Variants in CACNA1C observed in about 807,000 individuals in gnomAD.
CACNA1C encodes calcium voltage-gated channel subunit alpha1 C, also known as voltage-dependent L-type calcium channel subunit alpha-1C.
Under a neutral mutation model 229.0 loss-of-function variants are expected in CACNA1C, and 30 were observed. The ratio of observed to expected loss-of-function variants is 0.13; its 90% CI spans 0.10 to 0.18. The LOEUF is 0.18. Ranked by LOEUF, CACNA1C falls within the 10% of genes least tolerant of loss-of-function variation. CACNA1C has a pLI of 1.00. For synonymous variants in CACNA1C, 1,114 were observed against 1,132.5 expected, an observed-to-expected ratio of 0.98 and a Z score of 0.33; for missense variants, 1,658 against 2,845.0, an observed-to-expected ratio of 0.58 and a Z score of 9.49.
intron 1 of CACNA1C, among the ~76,000 whole-genome samples, chr12:2,100,934 C>A (rs1412434349): frequency 2.1e-5 from 3 of 141,950 alleles, no homozygotes; most frequent in African/African-American, 5.4e-5. Context: ...CTGGGGGAGT[C>A]GTGGCTGCAG....
chr12:2,022,637 G>T (rs986821982), intron 1 of CACNA1C, among the ~76,000 whole-genome samples: 8 of 151,302 alleles, frequency 5.3e-5, no homozygotes, highest in Non-Finnish European at 1.0e-4. Context: ...AGAGAAGGGG[G>T]TCTCTCTATG....
intron 3 of CACNA1C, among the ~76,000 whole-genome samples, chr12:2,172,655 C>T (rs1016127664): frequency 2.0e-5 from 3 of 152,178 alleles, no homozygotes; most frequent in Non-Finnish European, 4.4e-5. Context: ...TTATCTCTGA[C>T]TTCATAAAGA....
intron 3 of CACNA1C, among the ~76,000 whole-genome samples, chr12:2,417,265 C>G (rs199525428): frequency 5.3e-5 from 8 of 152,184 alleles, no homozygotes; most frequent in African/African-American, 9.7e-5. Flanking sequence ...GGCTCCCGCC[C>G]GGTGATGTCC....
At chr12:2,458,080 G>T (rs1251109610) in intron 5 of CACNA1C, among the ~76,000 whole-genome samples, 1 of 152,196 alleles carries the variant, frequency 6.6e-6, no homozygotes, top group African/African-American at 2.4e-5. Context: ...TAGCCAATGA[G>T]ATTATCTCTA....
intron 3 of CACNA1C, among the ~76,000 whole-genome samples, chr12:2,310,500 A>T (rs1003938242): frequency 6.6e-6 from 1 of 152,138 alleles, no homozygotes; most frequent in Admixed American, 6.5e-5. Context: ...TAGAGATGCT[A>T]TAAAGAGCTT....
At chr12:2,452,227 G>C (rs2099385497) in intron 4 of CACNA1C, among the ~76,000 whole-genome samples, 3 of 152,040 alleles carry the variant, frequency 2.0e-5, no homozygotes, top group African/African-American at 7.2e-5. Context: ...TATTCTGGTG[G>C]CACAAGACAC....
intron 3 of CACNA1C, among the ~76,000 whole-genome samples, chr12:2,376,639 C>A (rs567797777): frequency 1.3e-5 from 2 of 152,302 alleles, no homozygotes; most frequent in East Asian, 3.9e-4. Context: ...GGGCTGTGAG[C>A]TGCAGTATAT....
At chr12:2,256,320 T>C (rs1045375171) in intron 3 of CACNA1C, among the ~76,000 whole-genome samples, 1 of 152,240 alleles carries the variant, frequency 6.6e-6, no homozygotes. Context: ...CTTGGGCACA[T>C]TGGTGTCTTA....
chr12:2,000,931 G>A (rs1013910597), intron 1 of CACNA1C, among the ~76,000 whole-genome samples: 6 of 152,102 alleles, frequency 3.9e-5, no homozygotes, highest in African/African-American at 1.4e-4. Context: ...TGGATACTCT[G>A]GAGGCTGAGG....
At chr12:2,501,166 G>A (rs986797536) in intron 7 of CACNA1C, among the ~76,000 whole-genome samples, 14 of 124,478 alleles carry the variant, frequency 1.1e-4, no homozygotes, top group African/African-American at 4.0e-4. Flanking sequence ...CCAAGATCAC[G>A]CCACTGCACC....
chr12:2,091,740 C>A (rs2071183393), intron 1 of CACNA1C, among the ~76,000 whole-genome samples: 1 of 152,218 alleles, frequency 6.6e-6, no homozygotes. Flanking sequence ...CATTATTCAG[C>A]CCACACTGGG....
rs779082225 is a variant in CACNA1C at position 2,600,605 on chromosome 12, G to A, written c.2854-1249G>A. ...ATAACCACTGGCCCTTACGCAAGTC[G>A]GCAAAATGAGAAAGGCTGTAAAGGT... On this transcript the variant is annotated intron_variant, in intron 21 of 46. Coordinates refer to ENST00000399655, the MANE Select transcript of CACNA1C (RefSeq NM_000719.7). Among the ~76,000 whole-genome samples the A allele has an allele frequency of 3.3e-5, 5 of 152,174 alleles. No homozygotes were observed. In the East Asian group the frequency reaches 7.7e-4, roughly 23 times the overall value.
chr12:2,407,337 C>T (rs554325433), intron 3 of CACNA1C, among the ~76,000 whole-genome samples: 11 of 137,400 alleles, frequency 8.0e-5, no homozygotes, highest in South Asian at 5.3e-4. Flanking sequence ...TGATAATAGC[C>T]GTCCTGATAA....
At chr12:2,476,145 G>A (rs1046163268) in intron 5 of CACNA1C, among the ~76,000 whole-genome samples, 1 of 152,234 alleles carries the variant, frequency 6.6e-6, no homozygotes, top group African/African-American at 2.4e-5. Flanking sequence ...CAGAGGGACG[G>A]CCATCGTGAT....
chr12:2,423,717 C>G (rs903743993), intron 3 of CACNA1C, among the ~76,000 whole-genome samples: 3 of 152,134 alleles, frequency 2.0e-5, no homozygotes, highest in African/African-American at 7.2e-5. Flanking sequence ...CCAGTGACCC[C>G]AGAATTTACT....
chr12:2,114,450 C>T (rs1565779151), intron 1 of CACNA1C, among the ~76,000 whole-genome samples: 1 of 152,042 alleles, frequency 6.6e-6, no homozygotes, highest in African/African-American at 2.4e-5. Context: ...AAACAGTCAC[C>T]AAAGGCTGAC....
chr12:2,265,755 C>A (rs926597780), intron 3 of CACNA1C, among the ~76,000 whole-genome samples: 1 of 152,206 alleles, frequency 6.6e-6, no homozygotes, highest in Non-Finnish European at 1.5e-5. Flanking sequence ...CCACCCCTTC[C>A]TTTCTGTCAG....
intron 1 of CACNA1C, among the ~76,000 whole-genome samples, chr12:2,043,800 C>T (rs1440138505): frequency 3.0e-5 from 4 of 135,072 alleles, no homozygotes; most frequent in African/African-American, 9.1e-5. Context: ...GGACTACAGG[C>T]GCCCGCCATT....
chr12:2,330,514 C>T (rs2096510556), intron 3 of CACNA1C, among the ~76,000 whole-genome samples: 1 of 152,202 alleles, frequency 6.6e-6, no homozygotes. Context: ...TGATTAGCCC[C>T]ATTTTACAGG....
Sources: allele counts gnomAD v4.1 joint callset (sites outside exome capture counted in the v4.1 genomes callset), GRCh38; gene constraint gnomAD v4.1.1; transcripts MANE v1.5; gene names NCBI Gene and HGNC (gene_info 2026-07-23, HGNC 2026-07-21).